The following CNTNAP2 variants were observed in gnomAD, a reference collection of about 807,000 sequenced individuals.
CNTNAP2 encodes contactin associated protein 2, also known as contactin-associated protein-like 2.
CNTNAP2 carries 98 observed loss-of-function variants against 155.2 expected under a neutral mutation model. The ratio of observed to expected loss-of-function variants is 0.63; its 90% confidence interval spans 0.54 to 0.75. The LOEUF (loss-of-function observed/expected upper bound fraction) is 0.75. CNTNAP2 is among the 30% of genes least tolerant of loss of function. The pLI, the probability that CNTNAP2 is intolerant of heterozygous loss-of-function variation, is 0.00. For synonymous variants in CNTNAP2, 651 were observed against 631.2 expected (o/e 1.03, Z -0.47); for missense variants, 1,727 against 1,688.1 (o/e 1.02, Z -0.40).
chr7:146,248,132 G>A (rs1488245936), intron 1 of CNTNAP2, among the ~76,000 whole-genome samples: 3 of 151,892 alleles, frequency 2.0e-5, no homozygotes, highest in South Asian at 2.1e-4. Flanking sequence ...GCTGGGGCAC[G>A]GAAATAAGGG....
intron 21 of CNTNAP2, among the ~76,000 whole-genome samples, chr7:148,273,228 C>T (rs1796814174): frequency 1.3e-5 from 2 of 152,116 alleles, no homozygotes; most frequent in Non-Finnish European, 1.5e-5. Context: ...AACTTTGAAA[C>T]TTTAAGATTT....
intron 1 of CNTNAP2, among the ~76,000 whole-genome samples, chr7:146,180,308 TCTTTC>T (rs1243643543): frequency 6.6e-6 from 1 of 152,046 alleles, no homozygotes; most frequent in African/African-American, 2.4e-5. Context: ...TTTCTTTTTT[TCTTTC>T]CTTTTCTCTT....
At chr7:146,557,674 G>A (rs1798217199) in intron 1 of CNTNAP2, among the ~76,000 whole-genome samples, 1 of 151,258 alleles carries the variant, frequency 6.6e-6, no homozygotes, top group African/African-American at 2.5e-5. Context: ...CAGTCTAGGA[G>A]ACTTGCCAGT....
chr7:147,068,499 C>T (rs549510039), intron 4 of CNTNAP2, among the ~76,000 whole-genome samples: 3 of 152,152 alleles, frequency 2.0e-5, no homozygotes, highest in Admixed American at 6.5e-5. Flanking sequence ...GCTGGGATTA[C>T]AGGCATATGC....
rs1562969044 is a variant in CNTNAP2 at position 146,151,676 on chromosome 7, A to ATG, written c.97+34704_97+34705insGT. 1.9e-4 allele frequency among the ~76,000 whole-genome samples: 8 copies of ATG among 41,338 alleles called. 1 individual carries two copies. Among genetic ancestry groups the ATG allele is most frequent in the African/African-American group, 4.1e-4 (4 of 9,820 alleles). The allele number at this position is 41,338 out of a possible 152,430, so 27.1% of individuals were successfully genotyped here. On this transcript the variant is annotated intron_variant, in intron 1 of 23. Coordinates refer to ENST00000361727, the MANE Select transcript of CNTNAP2 (RefSeq NM_014141.6). Reference sequence around the variant, plus strand: ...TATATATATATATATATATATATATATATATGTATATATATATATATGTAT... The same window carrying ATG: ...TATATATATATATATATATATATATATGTATATGTATATATATATATATGTAT...
chr7:146,658,422 C>T (rs535148376), intron 1 of CNTNAP2, among the ~76,000 whole-genome samples: 1 of 150,610 alleles, frequency 6.6e-6, no homozygotes, highest in South Asian at 2.1e-4. Context: ...TTAATGAAAG[C>T]AGAGTATTCA....
intron 1 of CNTNAP2, among the ~76,000 whole-genome samples, chr7:146,335,413 T>A (rs896246320): frequency 3.3e-5 from 5 of 152,228 alleles, no homozygotes; most frequent in Non-Finnish European, 7.3e-5. Context: ...GCTATTGAGC[T>A]GACGACCAAA....
intron 4 of CNTNAP2, among the ~76,000 whole-genome samples, chr7:147,101,806 T>C (rs1800662278): frequency 6.6e-6 from 1 of 152,204 alleles, no homozygotes; most frequent in South Asian, 2.1e-4. Context: ...TCTTCTGTTC[T>C]ACTGCTCGTC....
intron 8 of CNTNAP2, among the ~76,000 whole-genome samples, chr7:147,298,936 C>A (rs1196003819): frequency 6.6e-6 from 1 of 152,216 alleles, no homozygotes; most frequent in Non-Finnish European, 1.5e-5. Flanking sequence ...TGTGGTTTTT[C>A]AGATTCCTGG....
At chr7:148,279,419 G>T (rs571925745) in intron 21 of CNTNAP2, among the ~76,000 whole-genome samples, 26 of 152,226 alleles carry the variant, frequency 1.7e-4, no homozygotes, top group Non-Finnish European at 2.6e-4. Flanking sequence ...AGAAAGAGAA[G>T]TCAAAGAGCG....
chr7:147,485,285 G>C (rs1297296839), intron 10 of CNTNAP2, among the ~76,000 whole-genome samples: 1 of 152,154 alleles, frequency 6.6e-6, no homozygotes, highest in Admixed American at 6.6e-5. Flanking sequence ...CTAAGGTTCA[G>C]AAAGGTTCAG....
intron 18 of CNTNAP2, among the ~76,000 whole-genome samples, chr7:148,194,050 A>G (rs993474033): frequency 6.6e-6 from 1 of 151,192 alleles, no homozygotes; most frequent in Non-Finnish European, 1.5e-5. Context: ...GGCCAACTGC[A>G]GCCTTGACTT....
intron 1 of CNTNAP2, among the ~76,000 whole-genome samples, chr7:146,123,352 A>T (rs945511853): frequency 6.6e-6 from 1 of 152,198 alleles, no homozygotes; most frequent in African/African-American, 2.4e-5. Flanking sequence ...TTCCCCAAAC[A>T]TATATAAGTT....
chr7:148,243,021 C>G (rs11760729), intron 20 of CNTNAP2, among the ~76,000 whole-genome samples: 101,249 of 152,016 alleles, frequency 0.67, 34,741 homozygotes, highest in South Asian at 0.87. Flanking sequence ...GGGCTGGCAG[C>G]TCAAGAGAAA....
chr7:147,406,596 G>C (rs1446897626), intron 10 of CNTNAP2, among the ~76,000 whole-genome samples: 2 of 152,148 alleles, frequency 1.3e-5, no homozygotes. Flanking sequence ...GGCACCCATT[G>C]CTATATTAGA....
chr7:148,126,288 C>G (rs1416894303), intron 16 of CNTNAP2, among the ~76,000 whole-genome samples: 1 of 152,172 alleles, frequency 6.6e-6, no homozygotes, highest in East Asian at 1.9e-4. Flanking sequence ...ACCATTATAT[C>G]TCCAGGGTCA....
At chr7:148,005,344 GC>G (rs1337714524) in intron 15 of CNTNAP2, among the ~76,000 whole-genome samples, 1 of 152,168 alleles carries the variant, frequency 6.6e-6, no homozygotes, top group Non-Finnish European at 1.5e-5. Flanking sequence ...CCCTTCTCAT[GC>G]CATTACATTG....
intron 14 of CNTNAP2, among the ~76,000 whole-genome samples, chr7:147,955,006 C>A (rs1800995061): frequency 6.6e-6 from 1 of 152,194 alleles, no homozygotes; most frequent in South Asian, 2.1e-4. Context: ...TCAGGTGAAT[C>A]CAGATAGTGC....
chr7:148,251,514 T>C (rs935970840), intron 20 of CNTNAP2, among the ~76,000 whole-genome samples: 7 of 152,218 alleles, frequency 4.6e-5, no homozygotes, highest in Non-Finnish European at 1.0e-4. Context: ...ATTGAATCAT[T>C]GGCCACAAAG....
Sources: gnomAD v4.1 joint callset for allele counts (sites outside exome capture counted in the v4.1 genomes callset) on GRCh38, gnomAD v4.1.1 for gene constraint, MANE v1.5 for transcripts, NCBI Gene and HGNC (gene_info 2026-07-23, HGNC 2026-07-21) for gene names.